Variants in GPC5 observed in about 807,000 individuals in gnomAD.
GPC5 encodes glypican 5, also known as glypican-5.
GPC5 carries 47 observed loss-of-function variants against 53.9 expected under a neutral mutation model. The observed-to-expected ratio is 0.87, with a 90% CI of 0.69 to 1.11. The LOEUF (loss-of-function observed/expected upper bound fraction) is 1.11, where lower values mean the gene tolerates loss of function less well. Among genes scored for constraint, GPC5 ranks in the 50% most tolerant of loss-of-function variants. The probability of loss-of-function intolerance (pLI) is 0.00; values close to 1 mark genes in which losing one functional copy is unlikely to be tolerated. For synonymous variants in GPC5, 286 were observed against 263.3 expected (o/e 1.09, Z -0.84); for missense variants, 748 against 713.1 (o/e 1.05, Z -0.56).
At chr13:92,583,510 G>GT (rs1355709759) in intron 7 of GPC5, among the ~76,000 whole-genome samples, 1 of 152,170 alleles carries the variant, frequency 6.6e-6, no homozygotes, top group Non-Finnish European at 1.5e-5. Flanking sequence ...AAGAACAGAA[G>GT]TTAGTGAAGT....
At chr13:92,773,143 A>AT (rs1875673183) in intron 7 of GPC5, among the ~76,000 whole-genome samples, 1 of 152,100 alleles carries the variant, frequency 6.6e-6, no homozygotes, top group Non-Finnish European at 1.5e-5. Flanking sequence ...AAACAGTAGC[A>AT]TTTTTCCAGA....
At chr13:92,522,671 G>A (rs1040491489) in intron 7 of GPC5, among the ~76,000 whole-genome samples, 11 of 152,026 alleles carry the variant, frequency 7.2e-5, no homozygotes, top group Non-Finnish European at 5.9e-5. Context: ...TAATGTAAGT[G>A]ATGAGTTAAT....
chr13:92,488,359 T>C (rs946780500), intron 7 of GPC5, among the ~76,000 whole-genome samples: 16 of 152,188 alleles, frequency 1.1e-4, no homozygotes, highest in Non-Finnish European at 2.1e-4. Context: ...TCCTATCCAA[T>C]GCTTACTTCA....
chr13:91,408,238 A>G (rs911575555), intron 1 of GPC5, among the ~76,000 whole-genome samples: 2 of 152,140 alleles, frequency 1.3e-5, no homozygotes, highest in African/African-American at 4.8e-5. Flanking sequence ...CCAGCTCCTG[A>G]TAATCACCAT....
At chr13:92,194,783 T>C (rs1327063210) in intron 7 of GPC5, among the ~76,000 whole-genome samples, 1 of 152,206 alleles carries the variant, frequency 6.6e-6, no homozygotes, top group Non-Finnish European at 1.5e-5. Flanking sequence ...CCATCAGATT[T>C]CACTTCCAAT....
At chr13:91,438,122 G>A (rs1201142315) in intron 1 of GPC5, among the ~76,000 whole-genome samples, 1 of 151,808 alleles carries the variant, frequency 6.6e-6, no homozygotes, top group Non-Finnish European at 1.5e-5. Flanking sequence ...TCCTCCTTTA[G>A]CTTGGAGTAG....
rs149686437 is a variant in GPC5 at position 91,914,623 on chromosome 13, G to C, written c.1401+6566G>C. Among the ~76,000 whole-genome samples, 567 of 78,920 alleles carry C rather than the reference G, an allele frequency of 7.2e-3. 8 individuals carry two copies. The highest frequency in any genetic ancestry group is 0.025 in the African/African-American group (545 of 21,846). The allele number at this position is 78,920 out of a possible 152,430, so 51.8% of individuals were successfully genotyped here. ...GACACTCTGATTTTAGTAGAAAAAG[G>C]CTGTGCTAAATTATCTCTTAGTCTT... On this transcript the variant is annotated intron_variant, in intron 6 of 7. Coordinates refer to ENST00000377067, the MANE Select transcript of GPC5 (RefSeq NM_004466.6).
intron 7 of GPC5, among the ~76,000 whole-genome samples, chr13:92,297,093 T>A (rs2148522): frequency 3.3e-5 from 5 of 152,072 alleles, no homozygotes; most frequent in African/African-American, 1.2e-4. Context: ...CTGCAGCCCC[T>A]GTGCGGGATC....
chr13:92,684,997 G>A (rs1348440884), intron 7 of GPC5, among the ~76,000 whole-genome samples: 6 of 152,166 alleles, frequency 3.9e-5, no homozygotes, highest in Non-Finnish European at 5.9e-5. Flanking sequence ...ATGATGTTGA[G>A]CATCTTTTCA....
At chr13:92,229,092 T>C (rs2042510631) in intron 7 of GPC5, among the ~76,000 whole-genome samples, 1 of 152,080 alleles carries the variant, frequency 6.6e-6, no homozygotes, top group Non-Finnish European at 1.5e-5. Context: ...GTTGTGAAAA[T>C]GTAAACTTTG....
intron 5 of GPC5, among the ~76,000 whole-genome samples, chr13:91,862,080 A>T (rs1013795750): frequency 6.6e-6 from 1 of 152,086 alleles, no homozygotes; most frequent in African/African-American, 2.4e-5. Flanking sequence ...ATTGAACGAT[A>T]AAAAAAGTAT....
At chr13:91,968,788 C>T (rs1566369306) in intron 6 of GPC5, among the ~76,000 whole-genome samples, 1 of 151,954 alleles carries the variant, frequency 6.6e-6, no homozygotes, top group African/African-American at 2.4e-5. Context: ...ATGCTTTTGA[C>T]AGTGCCATAC....
intron 7 of GPC5, among the ~76,000 whole-genome samples, chr13:92,421,230 C>T (rs1876545453): frequency 6.6e-6 from 1 of 152,178 alleles, no homozygotes; most frequent in Non-Finnish European, 1.5e-5. Flanking sequence ...GAATTCACAA[C>T]ACACAATTCA....
rs368614912 is a variant in GPC5, at chr13:92,796,137, A to C, written c.1562-70145A>C. On this transcript the variant is annotated intron_variant, in intron 7 of 7. Coordinates refer to ENST00000377067, the MANE Select transcript of GPC5 (RefSeq NM_004466.6). ...CAAATGTCCATCGATGATAGACTGG[A>C]TAAAGAAAATGTGGCACATATATAC... Among the ~76,000 whole-genome samples the C allele has an allele frequency of 1.4e-4, 21 of 152,308 alleles. No individual in the cohort carries two copies. The East Asian group carries it at 2.9e-3, about 21-fold the overall frequency.
chr13:92,175,309 C>T (rs896718154), intron 7 of GPC5, among the ~76,000 whole-genome samples: 1 of 152,168 alleles, frequency 6.6e-6, no homozygotes, highest in African/African-American at 2.4e-5. Flanking sequence ...ATGTTTACAT[C>T]TATACCATAT....
intron 2 of GPC5, among the ~76,000 whole-genome samples, chr13:91,554,565 G>A (rs2030834937): frequency 6.6e-6 from 1 of 152,062 alleles, no homozygotes; most frequent in Admixed American, 6.6e-5. Flanking sequence ...CGAATCCACA[G>A]ATCTGTACAT....
chr13:91,923,179 C>T (rs983319358), intron 6 of GPC5, among the ~76,000 whole-genome samples: 1 of 152,204 alleles, frequency 6.6e-6, no homozygotes, highest in African/African-American at 2.4e-5. Context: ...CTTTGCCATA[C>T]ATAGCTTTTG....
chr13:92,124,468 T>C (rs2041678512), intron 6 of GPC5, among the ~76,000 whole-genome samples: 1 of 152,048 alleles, frequency 6.6e-6, no homozygotes, highest in South Asian at 2.1e-4. Context: ...AAAAAAAGTA[T>C]AGGCAGGAAC....
At chr13:92,198,727 G>A (rs983336072) in intron 7 of GPC5, among the ~76,000 whole-genome samples, 2 of 152,062 alleles carry the variant, frequency 1.3e-5, no homozygotes, top group African/African-American at 4.8e-5. Context: ...GTGGGCATTC[G>A]TACAATCTTT....
Sources: allele counts gnomAD v4.1 joint callset (sites outside exome capture counted in the v4.1 genomes callset), GRCh38; gene constraint gnomAD v4.1.1; transcripts MANE v1.5; gene names NCBI Gene and HGNC (gene_info 2026-07-23, HGNC 2026-07-21).